Variants in ABCA1 observed in about 807,000 individuals in gnomAD.
ABCA1 encodes ATP binding cassette subfamily A member 1, also known as phospholipid-transporting ATPase ABCA1.
A neutral mutation model predicts 262.5 loss-of-function variants in ABCA1; 133 were observed. The ratio of observed to expected loss-of-function variants is 0.51; its 90% confidence interval spans 0.44 to 0.59. The LOEUF is 0.59. ABCA1 is among the 20% of genes least tolerant of loss of function. ABCA1 has a pLI of 0.00. For missense variants in ABCA1, 2,452 were observed against 2,777.5 expected, an observed-to-expected ratio of 0.88 and a Z score of 2.63; for synonymous variants, 1,022 against 1,043.5, an observed-to-expected ratio of 0.98 and a Z score of 0.40.
intron 14 of ABCA1, among the ~76,000 whole-genome samples, chr9:104,829,455 T>C (rs895055712): frequency 3.3e-5 from 5 of 152,196 alleles, no homozygotes; most frequent in Admixed American, 1.3e-4. Flanking sequence ...AAAAAACAAC[T>C]CATTCTCTCA....
chr9:104,924,066 G>A (rs1197210831), intron 1 of ABCA1, among the ~76,000 whole-genome samples: 2 of 152,018 alleles, frequency 1.3e-5, no homozygotes, highest in African/African-American at 4.8e-5. Flanking sequence ...GAATAAACAC[G>A]TGAAAAACAT....
At chr9:104,799,769 T>A (rs773016666) in intron 36 of ABCA1, 50 bp downstream of exon 36, 1 of 1,614,034 alleles carries the variant, frequency 6.2e-7, no homozygotes, top group African/African-American at 1.3e-5. Context: ...CCCTTCTCCA[T>A]AACCCTCTCC....
chr9:104,902,845 T>C (rs902259277), intron 2 of ABCA1, among the ~76,000 whole-genome samples: 2 of 152,056 alleles, frequency 1.3e-5, no homozygotes, highest in African/African-American at 4.8e-5. Flanking sequence ...CAAGTGGGGA[T>C]ACTGGCTTAG....
chr9:104,914,699 T>C (rs766735742), intron 1 of ABCA1, among the ~76,000 whole-genome samples: 1 of 152,026 alleles, frequency 6.6e-6, no homozygotes, highest in African/African-American at 2.4e-5. Context: ...CAATCACATG[T>C]AGAATGGAAG....
rs1834267892 is a variant in ABCA1, at chr9:104,840,478, C to T, written c.855G>A (p.Val285=). 5 of 1,614,024 alleles carry T rather than the reference C, an allele frequency of 3.1e-6. No individual in the cohort carries two copies. The highest frequency in any genetic ancestry group is 4.2e-6 in the Non-Finnish European group (5 of 1,180,022). The part of the protein sequence containing the change: ...MRSWSDMRQE[V]MFLTNVNSSS... ...AGCTGTTCACATTGGTCAGAAACAT[C>T]ACCTCCTGTCGCATGTCACTCCAGC... Residue 285 remains valine, a synonymous_variant, in exon 9 of 50, where the codon GTG becomes GTA. Transcript: ENST00000374736.
chr9:104,802,646 G>A (rs1185647609), intron 33 of ABCA1, among the ~76,000 whole-genome samples: 1 of 152,234 alleles, frequency 6.6e-6, no homozygotes, highest in Non-Finnish European at 1.5e-5. Context: ...GGAAAAGGCA[G>A]AGAGAAAAGA....
chr9:104,844,104 CCT>C (rs1018405777), intron 8 of ABCA1, among the ~76,000 whole-genome samples: 28 of 151,826 alleles, frequency 1.8e-4, no homozygotes, highest in African/African-American at 6.8e-4. Context: ...GGCAGCCTCC[CCT>C]GTTACAGACC....
intron 2 of ABCA1, among the ~76,000 whole-genome samples, chr9:104,900,070 G>C (rs535722356): frequency 2.3e-4 from 35 of 152,258 alleles, no homozygotes; most frequent in Admixed American, 9.8e-4. Context: ...CTGCACAATG[G>C]GGGTACAGGA....
chr9:104,838,405 C>T (rs1014091513), intron 9 of ABCA1, among the ~76,000 whole-genome samples: 8 of 150,290 alleles, frequency 5.3e-5, no homozygotes, highest in African/African-American at 2.0e-4. Context: ...GTCAGGAGAT[C>T]GAGACCATCC....
intron 1 of ABCA1, among the ~76,000 whole-genome samples, chr9:104,918,883 C>T (rs1010759735): frequency 2.0e-5 from 3 of 152,204 alleles, no homozygotes; most frequent in Non-Finnish European, 4.4e-5. Context: ...CCTCCAAAGA[C>T]TTGCTTCTTC....
rs1169480497 is a variant in ABCA1 at position 104,799,959 on chromosome 9, T to C, written c.4803A>G (p.Ala1601=). The C allele has an allele frequency of 7.4e-6, 12 of 1,614,066 alleles. No individual in the cohort carries two copies. The South Asian group carries it at 1.3e-4, about 18-fold the overall frequency. ...KVWFNNKGWH[A]ISSFLNVINN... is the part of the protein sequence containing the mutation. ...TGATGACATTCAGGAAAGAGCTGAT[T>C]GCATGCCAGCCCTTGTTATTGAACC... The change falls in exon 36 of 50, where the codon GCA becomes GCG. Residue 1601 remains alanine, a synonymous_variant. Coordinates refer to ENST00000374736, the MANE Select transcript of ABCA1 (RefSeq NM_005502.4).
chr9:104,784,194 C>G lies in ABCA1; in HGVS notation c.*121G>C. 7.9e-7 allele frequency: 1 copy of G among 1,260,600 alleles called. No homozygotes were observed. The highest frequency in any genetic ancestry group is 1.1e-6 in the Non-Finnish European group (1 of 873,440). The allele number at this position is 1,260,600 out of a possible 1,614,324, so 78.1% of individuals were successfully genotyped here. ...TGCATTGCATTGAATAGTATCAGTA[C>G]AGTATCCAGTTTACTTCTTCCCACA... On this transcript the variant is annotated 3_prime_UTR_variant, in exon 50 of 50. Coordinates refer to ENST00000374736, the MANE Select transcript of ABCA1 (RefSeq NM_005502.4).
intron 2 of ABCA1, among the ~76,000 whole-genome samples, chr9:104,893,418 C>A (rs1351686219): frequency 1.9e-4 from 9 of 48,174 alleles, no homozygotes; most frequent in African/African-American, 8.9e-4. Flanking sequence ...TGAGACTTCA[C>A]CTCAAAAAAA....
At chr9:104,885,189 T>C (rs2119178075) in intron 3 of ABCA1, among the ~76,000 whole-genome samples, 1 of 152,154 alleles carries the variant, frequency 6.6e-6, no homozygotes, top group South Asian at 2.1e-4. Flanking sequence ...TGAGCCAAGA[T>C]CGCGCCATTT....
chr9:104,860,431 G>A (rs867963191), intron 6 of ABCA1, among the ~76,000 whole-genome samples: 3 of 152,128 alleles, frequency 2.0e-5, no homozygotes, highest in South Asian at 2.1e-4. Context: ...AGAAGGGCAC[G>A]CAGTAAGCAC....
intron 7 of ABCA1, among the ~76,000 whole-genome samples, chr9:104,847,557 G>A (rs980075696): frequency 2.0e-5 from 3 of 152,254 alleles, no homozygotes; most frequent in Non-Finnish European, 4.4e-5. Flanking sequence ...TTCTTAAAAA[G>A]ACAAACATCC....
chr9:104,837,151 A>T, intron 10 of ABCA1, 55 bp from the exon 11 acceptor site: 1 of 1,417,838 alleles, frequency 7.1e-7, no homozygotes, highest in Non-Finnish European at 9.7e-7. Context: ...AGCACAGACA[A>T]TGAGCGTTTG....
intron 14 of ABCA1, among the ~76,000 whole-genome samples, chr9:104,830,545 C>G (rs1373048143): frequency 6.6e-6 from 1 of 151,904 alleles, no homozygotes; most frequent in East Asian, 1.9e-4. Flanking sequence ...AAAAAGTCAG[C>G]CGGGCGTGGC....
Position 104,785,518 on chromosome 9 carries a change from T to A in ABCA1, c.6523A>T (p.Met2175Leu), listed in dbSNP as rs1588185887. The change falls in exon 49 of 50, where the codon ATG becomes TTG. Residue 2175 changes from methionine (M) to leucine (L), a missense_variant. This residue lies in a region of ABCA1 where 752 missense variants were observed against 944.5 expected (regional missense o/e 0.80). Transcript: ENST00000374736. ...GAAGATGGAAGCTGGTATTGTAGCA[T>A]GTTCCGGTGTTTCTCTTTTAGAACA... ...GSVLKEKHRN[M>L]LQYQLPSSLS... is the part of the protein sequence containing the mutation. 6.3e-7 allele frequency: 1 copy of A among 1,592,640 alleles called. No homozygotes were observed. The highest frequency in any genetic ancestry group is 2.3e-5 in the East Asian group (1 of 43,468).
Sources: allele counts gnomAD v4.1 joint callset (sites outside exome capture counted in the v4.1 genomes callset), GRCh38; gene constraint gnomAD v4.1.1; regional missense constraint gnomAD v4.1.1; transcripts MANE v1.5; gene names NCBI Gene and HGNC (gene_info 2026-07-23, HGNC 2026-07-21).